GPC6: variants seen among roughly 807,000 people sequenced by gnomAD.
GPC6 encodes the protein glypican-6.
In GPC6, 14 loss-of-function variants were observed where a neutral mutation model predicts 55.2. The observed-to-expected ratio is 0.25, with a 90% CI of 0.17 to 0.40. GPC6 has a LOEUF of 0.40. Among genes scored for constraint, GPC6 ranks in the 10% least tolerant of loss-of-function variants. GPC6 has a pLI of 1.00. For synonymous variants in GPC6, 278 were observed against 259.6 expected (o/e 1.07, Z -0.68); for missense variants, 641 against 708.5 (o/e 0.90, Z 1.08).
intron 4 of GPC6, among the ~76,000 whole-genome samples, chr13:94,243,427 T>C (rs117673142): frequency 6.6e-6 from 1 of 152,148 alleles, no homozygotes; most frequent in East Asian, 1.9e-4. Context: ...GCTTTTAATA[T>C]TCATAAAGAT....
intron 2 of GPC6, among the ~76,000 whole-genome samples, chr13:93,655,003 A>ATT (rs3884231): frequency 0.47 from 49,446 of 104,490 alleles, 12,641 homozygotes; most frequent in Middle Eastern, 0.68. Flanking sequence ...TGCCCGGCTA[A>ATT]TTTTTTTTTT....
intron 3 of GPC6, among the ~76,000 whole-genome samples, chr13:93,837,980 A>G (rs1476013305): frequency 2.0e-5 from 3 of 152,238 alleles, no homozygotes; most frequent in African/African-American, 7.2e-5. Context: ...TGCAGGAGAC[A>G]AGGATAGAGA....
intron 6 of GPC6, among the ~76,000 whole-genome samples, chr13:94,320,805 A>G (rs939733835): frequency 6.6e-6 from 1 of 152,212 alleles, no homozygotes; most frequent in Non-Finnish European, 1.5e-5. Context: ...TGACTCCTAC[A>G]TGCTCTATTT....
chr13:93,578,393 G>T (rs183581970), intron 2 of GPC6, among the ~76,000 whole-genome samples: 1 of 151,846 alleles, frequency 6.6e-6, no homozygotes. Context: ...TTAGTTTGTT[G>T]AAATTTTCTA....
chr13:93,921,922 C>A (rs946297687), intron 3 of GPC6, among the ~76,000 whole-genome samples: 1 of 151,534 alleles, frequency 6.6e-6, no homozygotes, highest in Non-Finnish European at 1.5e-5. Context: ...TGTCTCCTGT[C>A]CGTATCAATA....
chr13:93,308,164 A>G (rs1878941610), intron 1 of GPC6, among the ~76,000 whole-genome samples: 1 of 152,132 alleles, frequency 6.6e-6, no homozygotes. Flanking sequence ...GGGCGCCTGC[A>G]GTCCCAGCTA....
intron 3 of GPC6, among the ~76,000 whole-genome samples, chr13:93,943,488 C>T (rs1304986777): frequency 6.6e-6 from 1 of 152,104 alleles, no homozygotes; most frequent in Non-Finnish European, 1.5e-5. Flanking sequence ...TCTGGAGTCC[C>T]TCATAGAATT....
At chr13:93,714,390 C>T (rs190233097) in intron 2 of GPC6, among the ~76,000 whole-genome samples, 1 of 151,944 alleles carries the variant, frequency 6.6e-6, no homozygotes, top group African/African-American at 2.4e-5. Context: ...GAGATACCAT[C>T]TCACACCAGT....
At chr13:93,975,388 A>T (rs1011818626) in intron 3 of GPC6, among the ~76,000 whole-genome samples, 1 of 152,102 alleles carries the variant, frequency 6.6e-6, no homozygotes, top group Non-Finnish European at 1.5e-5. Flanking sequence ...TGAGGGGTGG[A>T]GCATGGTGAG....
At chr13:94,372,689 G>C (rs980094990) in intron 6 of GPC6, among the ~76,000 whole-genome samples, 1 of 152,226 alleles carries the variant, frequency 6.6e-6, no homozygotes, top group African/African-American at 2.4e-5. Flanking sequence ...CAGCCTGGAA[G>C]CTCGAACTGG....
At chr13:93,388,596 C>T (rs1875494017) in intron 1 of GPC6, among the ~76,000 whole-genome samples, 1 of 152,122 alleles carries the variant, frequency 6.6e-6, no homozygotes, top group Non-Finnish European at 1.5e-5. Flanking sequence ...GAGGTATATG[C>T]CAGATTAAAA....
At position 93,405,660 on chromosome 13, in the gene GPC6, C is replaced by G. The variant is rs564549135; in HGVS notation, c.161-139603C>G. Among the ~76,000 whole-genome samples, 34 of 149,200 alleles carry G rather than the reference C, an allele frequency of 2.3e-4. No homozygotes were observed. The East Asian group carries it at 5.7e-3, about 25-fold the overall frequency. On this transcript the variant is annotated intron_variant, in intron 1 of 8. Transcript: ENST00000377047. ...TCAATATAATCCTTTTTTTTTTCTT[C>G]AAGGATAAGTAAACTGATGTTTGTC...
At chr13:94,152,998 A>G (rs192121401) in intron 4 of GPC6, among the ~76,000 whole-genome samples, 17 of 152,306 alleles carry the variant, frequency 1.1e-4, no homozygotes, top group South Asian at 2.1e-4. Context: ...AAGCAACAAA[A>G]GTTTTAAATG....
intron 2 of GPC6, among the ~76,000 whole-genome samples, chr13:93,674,973 C>G (rs375292141): frequency 3.9e-5 from 6 of 152,254 alleles, no homozygotes; most frequent in African/African-American, 1.4e-4. Context: ...CCCACCTAAT[C>G]AAAACTCAAA....
At chr13:93,876,738 A>AT (rs569139710) in intron 3 of GPC6, among the ~76,000 whole-genome samples, 1 of 152,022 alleles carries the variant, frequency 6.6e-6, no homozygotes, top group Admixed American at 6.6e-5. Flanking sequence ...TCCAGGAAGA[A>AT]TTTTTTTCTT....
intron 2 of GPC6, among the ~76,000 whole-genome samples, chr13:93,571,240 G>A (rs1473012743): frequency 6.6e-6 from 1 of 151,958 alleles, no homozygotes; most frequent in Non-Finnish European, 1.5e-5. Context: ...TGCGCAAACA[G>A]GCATACATGT....
At chr13:94,358,499 A>G (rs1023359850) in intron 6 of GPC6, among the ~76,000 whole-genome samples, 3 of 152,218 alleles carry the variant, frequency 2.0e-5, no homozygotes, top group African/African-American at 4.8e-5. Flanking sequence ...CTGAAAATTA[A>G]AAGACCTTTC....
intron 1 of GPC6, among the ~76,000 whole-genome samples, chr13:93,289,949 G>A (rs1235670446): frequency 6.6e-6 from 1 of 152,176 alleles, no homozygotes; most frequent in Admixed American, 6.5e-5. Flanking sequence ...GACTCACAGA[G>A]TAAAGAGACA....
At chr13:94,327,036 G>A (rs75662177) in intron 6 of GPC6, among the ~76,000 whole-genome samples, 11,799 of 152,212 alleles carry the variant, frequency 0.078, 555 homozygotes, top group South Asian at 0.14. Flanking sequence ...GTAGTTTAGC[G>A]TCTATCAGCA....
Sources: allele counts gnomAD v4.1 joint callset (sites outside exome capture counted in the v4.1 genomes callset), GRCh38; gene constraint gnomAD v4.1.1; transcripts MANE v1.5; gene names NCBI Gene and HGNC (gene_info 2026-07-23, HGNC 2026-07-21).